The following PEBP4 variants were observed in gnomAD, a reference collection of about 807,000 sequenced individuals.
PEBP4 encodes the protein phosphatidylethanolamine-binding protein 4.
A neutral mutation model predicts 23.9 loss-of-function variants in PEBP4; 22 were observed. The ratio of observed to expected loss-of-function variants is 0.92; its 90% CI spans 0.66 to 1.31. The LOEUF (loss-of-function observed/expected upper bound fraction) is 1.31, where lower values mean the gene tolerates loss of function less well. PEBP4 is among the 40% of genes most tolerant of loss of function. The pLI is 0.00. For synonymous variants in PEBP4, 112 were observed against 99.3 expected, an observed-to-expected ratio of 1.13 and a Z score of -0.76; for missense variants, 324 against 281.7, an observed-to-expected ratio of 1.15 and a Z score of -1.07.
At chr8:22,825,984 C>T (rs373005427) in intron 3 of PEBP4, among the ~76,000 whole-genome samples, 1 of 152,120 alleles carries the variant, frequency 6.6e-6, no homozygotes, top group South Asian at 2.1e-4. Context: ...CTAAAATAGT[C>T]AAACCCACAG....
intron 3 of PEBP4, among the ~76,000 whole-genome samples, chr8:22,827,806 C>T (rs886488392): frequency 6.6e-6 from 1 of 152,166 alleles, no homozygotes; most frequent in Non-Finnish European, 1.5e-5. Context: ...AAGAAACTAC[C>T]AAACTGTTTT....
chr8:22,860,148 TTATATATACACATATATATGTATA>T (rs1563240282), intron 3 of PEBP4, among the ~76,000 whole-genome samples: 2 of 105,326 alleles, frequency 1.9e-5, no homozygotes, highest in East Asian at 2.6e-4. Context: ...AGAAAAAAAA[TTATATATACACATATATATGTATA>T]TATATATACA....
intron 1 of PEBP4, among the ~76,000 whole-genome samples, chr8:22,938,771 T>C (rs938535344): frequency 6.6e-6 from 1 of 152,220 alleles, no homozygotes; most frequent in African/African-American, 2.4e-5. Flanking sequence ...TCCCATTCAT[T>C]GATTTCTGCC....
chr8:22,855,956 G>A (rs372845725), intron 3 of PEBP4, among the ~76,000 whole-genome samples: 1 of 148,658 alleles, frequency 6.7e-6, no homozygotes, highest in East Asian at 2.0e-4. Flanking sequence ...GCAGGAGGAG[G>A]ATGGTTGAGC....
intron 4 of PEBP4, among the ~76,000 whole-genome samples, chr8:22,741,542 G>A (rs549888722): frequency 1.4e-4 from 21 of 152,294 alleles, no homozygotes; most frequent in East Asian, 3.9e-4. Context: ...CCCATGTCCC[G>A]GGAATGCTTT....
At chr8:22,917,950 A>C (rs1254093972) in intron 3 of PEBP4, among the ~76,000 whole-genome samples, 1 of 152,188 alleles carries the variant, frequency 6.6e-6, no homozygotes, top group Admixed American at 6.5e-5. Context: ...CAAGAGACAG[A>C]TTCCTGGTGA....
intron 2 of PEBP4, among the ~76,000 whole-genome samples, chr8:22,924,420 G>C (rs563988935): frequency 6.6e-6 from 1 of 152,256 alleles, no homozygotes; most frequent in South Asian, 2.1e-4. Flanking sequence ...TTGAAGGACT[G>C]GGGATGACTG....
rs1194488779 is a variant in PEBP4, at chr8:22,865,393, AC to A, written c.259-47659del. Among the ~76,000 whole-genome samples the A allele has an allele frequency of 6.7e-6, 1 of 149,502 alleles. No individual in the cohort carries two copies. Among genetic ancestry groups the A allele is most frequent in the African/African-American group, 2.5e-5 (1 of 40,532 alleles). On this transcript the variant is annotated intron_variant, in intron 3 of 6. Transcript: ENST00000256404. This position sits in a 1 kb window ranked among gnomAD's most constrained non-coding sequence, Gnocchi z 6.9. ...TGGCGGTGGCGGTGGCGGCGGCGGG[AC>A]CCCGGGCCTGGCTGCGCGCTCCACC...
intron 3 of PEBP4, chr8:22,895,543 G>A (rs918667103): frequency 6.6e-5 from 10 of 152,096 alleles, no homozygotes; most frequent in African/African-American, 2.2e-4. Flanking sequence ...TCTGATTAAG[G>A]TTCTCTGAGT....
chr8:22,889,536 A>G (rs776625077), intron 3 of PEBP4, among the ~76,000 whole-genome samples: 4 of 152,252 alleles, frequency 2.6e-5, no homozygotes, highest in Non-Finnish European at 5.9e-5. Flanking sequence ...TCGTCAAAGC[A>G]CAGCCAAGCA....
intron 4 of PEBP4, among the ~76,000 whole-genome samples, chr8:22,792,405 G>A (rs539771820): frequency 3.5e-4 from 54 of 152,238 alleles, no homozygotes; most frequent in Non-Finnish European, 7.1e-4. Context: ...CTGGAGACAA[G>A]GGTTGGTGGG....
At chr8:22,790,344 G>C (rs949178237) in intron 4 of PEBP4, among the ~76,000 whole-genome samples, 1 of 152,212 alleles carries the variant, frequency 6.6e-6, no homozygotes, top group African/African-American at 2.4e-5. Context: ...CCATGTGGAA[G>C]CACCTCCTGA....
rs201555413 is a variant in PEBP4, at chr8:22,920,184, G to A, written c.258C>T (p.Asp86=). The change falls in exon 3 of 7, where the codon GAC becomes GAT. Residue 86 remains aspartate, a splice_region_variant and synonymous_variant. Transcript: ENST00000256404. ...CTTTAACACAGCCCTGCTCACTCAC[G>A]TCCACGGCCCCCGGGAACTTGACTA... ...EPIVKFPGAV[D]GATYILVMVD... 1.2e-4 allele frequency: 195 copies of A among 1,609,906 alleles called. No homozygotes were observed. Among genetic ancestry groups the A allele is most frequent in the Non-Finnish European group, 1.5e-4 (179 of 1,177,078 alleles).
At chr8:22,728,929 T>C (rs1585239353) in intron 4 of PEBP4, among the ~76,000 whole-genome samples, 1 of 152,158 alleles carries the variant, frequency 6.6e-6, no homozygotes, top group East Asian at 1.9e-4. Context: ...CCTTCTACTC[T>C]CCCTGATCCT....
At chr8:22,906,654 T>A (rs925062525) in intron 3 of PEBP4, among the ~76,000 whole-genome samples, 2 of 152,250 alleles carry the variant, frequency 1.3e-5, no homozygotes, top group African/African-American at 4.8e-5. Flanking sequence ...ATCATCCTCA[T>A]CTACCAAATT....
intron 3 of PEBP4, among the ~76,000 whole-genome samples, chr8:22,818,188 C>T (rs958724739): frequency 6.6e-6 from 1 of 152,216 alleles, no homozygotes; most frequent in Non-Finnish European, 1.5e-5. Context: ...TCATTCATCC[C>T]TTCAACAAGC....
chr8:22,715,669 G>A (rs756898612), intron 6 of PEBP4, among the ~76,000 whole-genome samples: 3 of 152,186 alleles, frequency 2.0e-5, no homozygotes, highest in Non-Finnish European at 4.4e-5. Context: ...GGGCACTCGT[G>A]GTTCCTTTCC....
chr8:22,904,493 C>T (rs1211865383), intron 3 of PEBP4, among the ~76,000 whole-genome samples: 1 of 152,210 alleles, frequency 6.6e-6, no homozygotes, highest in Non-Finnish European at 1.5e-5. Flanking sequence ...GCCTTTTCCT[C>T]TTAGCGTTCA....
At chr8:22,933,842 C>T (rs1162878098) in intron 1 of PEBP4, among the ~76,000 whole-genome samples, 1 of 152,148 alleles carries the variant, frequency 6.6e-6, no homozygotes, top group East Asian at 1.9e-4. Context: ...CCATTTAGTG[C>T]TGTTATAAAT....
Sources: gnomAD v4.1 joint callset for allele counts (sites outside exome capture counted in the v4.1 genomes callset) on GRCh38, gnomAD v4.1.1 for gene constraint, Gnocchi (gnomAD v3.1) non-coding constraint, MANE v1.5 for transcripts, NCBI Gene and HGNC (gene_info 2026-07-23, HGNC 2026-07-21) for gene names.